The following SGF29 variants were observed in gnomAD, a reference collection of about 807,000 sequenced individuals.
SGF29 encodes the protein SAGA-associated factor 29.
Under a neutral mutation model 38.1 loss-of-function variants are expected in SGF29, and 15 were observed. The observed-to-expected ratio is 0.39, with a 90% CI of 0.26 to 0.61. The LOEUF (loss-of-function observed/expected upper bound fraction) is 0.61, where lower values mean the gene tolerates loss of function less well. Among genes scored for constraint, SGF29 ranks in the 20% least tolerant of loss-of-function variants. The pLI is 0.49. For missense variants in SGF29, 184 were observed against 394.6 expected, an observed-to-expected ratio of 0.47 and a Z score of 4.52; for synonymous variants, 151 against 160.8, an observed-to-expected ratio of 0.94 and a Z score of 0.46.
chr16:28,555,861 T>C lies in SGF29; in HGVS notation c.-16+1764T>C, dbSNP rs556421239. Among the ~76,000 whole-genome samples, 293 of 152,334 alleles carry C rather than the reference T, an allele frequency of 1.9e-3. 1 individual carries two copies. The highest frequency in any genetic ancestry group is 2.5e-3 in the Non-Finnish European group (171 of 68,042). ...CTAATGGTGGGTTGGCAGCTTCCAC[T>C]TTTGTGATCTCTTTTACTATTGAAT... On this transcript the variant is annotated intron_variant, in intron 1 of 9. Transcript: ENST00000317058.
chr16:28,582,988 A>C (rs573833352), intron 2 of SGF29, among the ~76,000 whole-genome samples: 3 of 152,220 alleles, frequency 2.0e-5, no homozygotes, highest in Non-Finnish European at 2.9e-5. Context: ...CATTCCATTC[A>C]GTCATCCACA....
At chr16:28,564,784 T>TAC (rs1394106412) in intron 1 of SGF29, among the ~76,000 whole-genome samples, 11 of 118,130 alleles carry the variant, frequency 9.3e-5, no homozygotes, top group African/African-American at 3.5e-4. Flanking sequence ...TATATATATA[T>TAC]ATACACACAC....
chr16:28,569,436 GAT>G (rs2046852115), intron 1 of SGF29, among the ~76,000 whole-genome samples: 2 of 152,132 alleles, frequency 1.3e-5, no homozygotes, highest in South Asian at 4.1e-4. Flanking sequence ...GAGGCAGGTG[GAT>G]CACTTGAGCT....
intron 1 of SGF29, among the ~76,000 whole-genome samples, chr16:28,564,756 T>TAC (rs2046824620): frequency 2.6e-5 from 2 of 76,138 alleles, no homozygotes; most frequent in South Asian, 3.3e-4. Flanking sequence ...TATATATATG[T>TAC]ATATATGTAT....
chr16:28,564,675 GTA>G lies in SGF29; in HGVS notation c.-16+10586_-16+10587del, dbSNP rs201891238. Among the ~76,000 whole-genome samples, 412 of 74,126 alleles carry G rather than the reference GTA, an allele frequency of 5.6e-3. 17 individuals carry two copies. Among genetic ancestry groups the G allele is most frequent in the African/African-American group, 0.019 (367 of 19,192 alleles). The allele number at this position is 74,126 out of a possible 152,430, so 48.6% of individuals were successfully genotyped here. ...TATACGTATATATATGCATATATAT[GTA>G]TATATATGTGTATATATATGTATAT... On this transcript the variant is annotated intron_variant, in intron 1 of 9. Coordinates refer to ENST00000317058, the MANE Select transcript of SGF29 (RefSeq NM_138414.3).
At chr16:28,564,904 G>T (rs1287002430) in intron 1 of SGF29, among the ~76,000 whole-genome samples, 1 of 151,062 alleles carries the variant, frequency 6.6e-6, no homozygotes, top group Non-Finnish European at 1.5e-5. Flanking sequence ...GCTGAGGAAA[G>T]AGAGAAGCTG....
chr16:28,583,659 GCACCAGCATTCTTCCC>G (rs1313897911), intron 2 of SGF29, among the ~76,000 whole-genome samples: 1 of 152,208 alleles, frequency 6.6e-6, no homozygotes, highest in Admixed American at 6.5e-5. Flanking sequence ...GGGAGGAATT[GCACCAGCATTCTTCCC>G]CACCCCTTCT....
intron 1 of SGF29, among the ~76,000 whole-genome samples, chr16:28,565,433 G>T (rs1330317167): frequency 6.6e-6 from 1 of 152,208 alleles, no homozygotes; most frequent in East Asian, 1.9e-4. Flanking sequence ...GCTGCCAGGA[G>T]CTCCCTGGGA....
chr16:28,556,306 A>G (rs2046750694), intron 1 of SGF29, among the ~76,000 whole-genome samples: 2 of 152,032 alleles, frequency 1.3e-5, no homozygotes, highest in African/African-American at 4.8e-5. Context: ...AGTAGCTGGG[A>G]TTACAAGCAT....
At chr16:28,563,133 G>C (rs2151642412) in intron 1 of SGF29, among the ~76,000 whole-genome samples, 1 of 152,028 alleles carries the variant, frequency 6.6e-6, no homozygotes, top group South Asian at 2.1e-4. Context: ...ACCTTAATTA[G>C]GGGAAAAAGG....
In SGF29 at chr16:28,585,689, A is replaced by G. The variant is rs2046952690; in HGVS notation, c.193A>G (p.Thr65Ala). Residue 65 changes from threonine to alanine, a missense_variant, in exon 4 of 10, where the codon ACC (threonine) becomes GCC (alanine). Transcript: ENST00000317058. ...GACAAAGCTGCGTGGCCTCTACACA[A>G]CCGCCAAGGCCGATGCAGAGGCTGA... ...YRTKLRGLYT[T>A]AKADAEAECN... 1 of 1,614,010 alleles carries G rather than the reference A, an allele frequency of 6.2e-7. No individual in the cohort carries two copies. Among genetic ancestry groups the G allele is most frequent in the Admixed American group, 1.7e-5 (1 of 59,998 alleles).
At chr16:28,564,768 TATATGTATATATATATATACAC>T (rs1266124278) in intron 1 of SGF29, among the ~76,000 whole-genome samples, 4 of 60,030 alleles carry the variant, frequency 6.7e-5, no homozygotes, top group African/African-American at 2.0e-4. Flanking sequence ...TATATGTATA[TATATGTATATATATATATACAC>T]ACACACACAC....
At chr16:28,585,774 C>A (rs368727228) in intron 4 of SGF29, 54 bp downstream of exon 4, 3 of 1,527,760 alleles carry the variant, frequency 2.0e-6, no homozygotes, top group Non-Finnish European at 2.7e-6. Context: ...GGGGGCTGGG[C>A]TGCAGGTCCA....
At chr16:28,584,421 G>A (rs1490853840) in intron 2 of SGF29, among the ~76,000 whole-genome samples, 3 of 151,926 alleles carry the variant, frequency 2.0e-5, no homozygotes, top group Non-Finnish European at 2.9e-5. Context: ...TTGGGAAACC[G>A]AGGCAGGTGG....
rs1428038927 is a variant in SGF29 at position 28,554,078 on chromosome 16, C to T, written c.-35C>T. 2 of 152,374 alleles carry T rather than the reference C, an allele frequency of 1.3e-5. No individual in the cohort carries two copies. Among genetic ancestry groups the T allele is most frequent in the Admixed American group, 1.3e-4 (2 of 15,286 alleles). 9.4% of individuals were successfully genotyped at this position (152,374 alleles called of 1,614,324 possible). ...TCGTCGCAGTTTCCAGCCCGACGAG[C>T]TTGTTTTGTCCCGGACTCGGTAGGT... On this transcript the variant is annotated 5_prime_UTR_variant, in exon 1 of 10. Transcript: ENST00000317058.
chr16:28,564,666 C>CGTATATGT lies in SGF29; in HGVS notation c.-16+10569_-16+10570insGTATATGT, dbSNP rs1491577201. On this transcript the variant is annotated intron_variant, in intron 1 of 9. Coordinates refer to ENST00000317058, the MANE Select transcript of SGF29 (RefSeq NM_138414.3). ...ATGTGTATATATACGTATATATATG[C>CGTATATGT]ATATATATGTATATATATGTGTATA... Among the ~76,000 whole-genome samples the CGTATATGT allele has an allele frequency of 1.1e-3, 69 of 61,600 alleles. 2 individuals are homozygous for CGTATATGT. The highest frequency in any genetic ancestry group is 3.0e-3 in the South Asian group (8 of 2,666). The allele number at this position is 61,600 out of a possible 152,430, so 40.4% of individuals were successfully genotyped here. A position where few individuals can be genotyped will look rare whatever the true frequency, so the allele number is the denominator to read the frequency against.
intron 2 of SGF29, among the ~76,000 whole-genome samples, chr16:28,582,245 T>A (rs183591711): frequency 3.3e-5 from 5 of 152,304 alleles, no homozygotes; most frequent in African/African-American, 1.2e-4. Flanking sequence ...GTATTCCAAC[T>A]GTAAACGAAA....
rs533262958 is a variant in SGF29, at chr16:28,556,583, T to C, written c.-16+2486T>C. 2.0e-5 allele frequency among the ~76,000 whole-genome samples: 3 copies of C among 152,272 alleles called. No homozygotes were observed. In the South Asian group the frequency reaches 6.2e-4, roughly 32 times the overall value. ...GCTGGTCTTGAACTCCTGATCTTAG[T>C]TGATCTGCCGGCCTTGGCCTCCCAA... On this transcript the variant is annotated intron_variant, in intron 1 of 9. Coordinates refer to ENST00000317058, the MANE Select transcript of SGF29 (RefSeq NM_138414.3).
chr16:28,581,100 G>A lies in SGF29; in HGVS notation c.31G>A (p.Ala11Thr), dbSNP rs1225684081. 6.2e-7 allele frequency: 1 copy of A among 1,614,022 alleles called. No individual in the cohort carries two copies. Among genetic ancestry groups the A allele is most frequent in the Admixed American group, 1.7e-5 (1 of 59,986 alleles). ...CCTCGTGTCTGCCGATTCCCGCATT[G>A]CAGAACTTCTCACAGAGCTCCATCA... is the stretch of plus-strand genomic sequence containing the variant. Reference protein sequence around the residue: MALVSADSRIAELLTELHQLI... With the variant: MALVSADSRITELLTELHQLI... The change falls in exon 2 of 10, where the codon GCA (alanine) becomes ACA (threonine). Residue 11 changes from alanine (A) to threonine (T), a missense_variant. By Grantham distance (58) the Ala-to-Thr change is moderately conservative. Transcript: ENST00000317058.
Sources: allele counts gnomAD v4.1 joint callset (sites outside exome capture counted in the v4.1 genomes callset), GRCh38; gene constraint gnomAD v4.1.1; transcripts MANE v1.5; gene names NCBI Gene and HGNC (gene_info 2026-07-23, HGNC 2026-07-21).